The following SCRG1 variants were observed in gnomAD, a reference collection of about 807,000 sequenced individuals.
SCRG1 encodes the protein stimulator of chondrogenesis 1.
SCRG1 carries 3 observed loss-of-function variants against 7.7 expected under a neutral mutation model. That is an observed-to-expected ratio of 0.39 (90% confidence interval 0.18 to 1.01). The LOEUF (loss-of-function observed/expected upper bound fraction) is 1.01. Ranked by LOEUF, SCRG1 falls within the 50% of genes least tolerant of loss-of-function variation. The pLI is 0.36. For synonymous variants in SCRG1, 46 were observed against 41.2 expected (o/e 1.12, Z -0.44); for missense variants, 110 against 117.2 (o/e 0.94, Z 0.28).
In SCRG1 at chr4:173,386,086, T is replaced by C. The variant is rs912264242; in HGVS notation, c.*2255A>G. 2.0e-5 allele frequency: 3 copies of C among 152,282 alleles called. No individual in the cohort carries two copies. The South Asian group carries it at 6.2e-4, about 32-fold the overall frequency. 9.4% of individuals were successfully genotyped at this position (152,282 alleles called of 1,614,324 possible). ...TTATTTTACAATTTCACTTCATGTA[T>C]TTTATAGGAGCTTACACTGTTCGAA... On this transcript the variant is annotated 3_prime_UTR_variant, in exon 3 of 3. Transcript: ENST00000296506.
At chr4:173,440,601 G>A in the SCRG1 span, among the ~76,000 whole-genome samples, 1 of 152,206 alleles carries the variant, frequency 6.6e-6, no homozygotes, top group Non-Finnish European at 1.5e-5. Flanking sequence ...ATATGGTGTG[G>A]CAGTGTTGGG....
chr4:173,479,599 C>G, the SCRG1 span, among the ~76,000 whole-genome samples: 3 of 151,748 alleles, frequency 2.0e-5, no homozygotes, highest in African/African-American at 7.3e-5. Context: ...TGTCACCATG[C>G]CTGGCTAATT....
Position 173,388,341 on chromosome 4 carries a change from T to C in SCRG1, c.297A>G (p.Ter99TrpextTer32). The C allele has an allele frequency of 6.2e-7, 1 of 1,610,292 alleles. No individual in the cohort carries two copies. Among genetic ancestry groups the C allele is most frequent in the Non-Finnish European group, 8.5e-7 (1 of 1,177,196 alleles). Reference sequence around the variant, plus strand: ...TGTTCTCCAGAATACATGAAGATTCTCATTGATTGTTGCAAGGAATCACGA... The same window carrying C: ...TGTTCTCCAGAATACATGAAGATTCCCATTGATTGTTGCAAGGAATCACGA... ...ISFVIPCNNQ* is the reference protein window; with the variant it reads ...ISFVIPCNNQW The change falls in exon 3 of 3, where the codon TGA becomes TGG. Residue 99 changes from the stop codon to tryptophan, a stop_lost. Coordinates refer to ENST00000296506, the MANE Select transcript of SCRG1 (RefSeq NM_007281.4).
At chr4:173,518,663 G>A in the SCRG1 span, among the ~76,000 whole-genome samples, 1 of 152,026 alleles carries the variant, frequency 6.6e-6, no homozygotes, top group Non-Finnish European at 1.5e-5. Context: ...TCTGGGACCC[G>A]CCTTCACCGT....
the SCRG1 span, among the ~76,000 whole-genome samples, chr4:173,431,262 C>T: frequency 1.3e-5 from 2 of 152,168 alleles, no homozygotes; most frequent in African/African-American, 2.4e-5. Context: ...AGCAGGGGAA[C>T]TGAGCATGGG....
the SCRG1 span, among the ~76,000 whole-genome samples, chr4:173,485,608 C>T: frequency 1.3e-5 from 2 of 152,048 alleles, no homozygotes; most frequent in African/African-American, 4.8e-5. Flanking sequence ...CTAACCACTT[C>T]AAGAGGATAC....
the SCRG1 span, among the ~76,000 whole-genome samples, chr4:173,420,705 G>GAAA: frequency 3.7e-5 from 5 of 134,390 alleles, no homozygotes; most frequent in Non-Finnish European, 1.6e-5. Flanking sequence ...GAGCCAAGCT[G>GAAA]AAAAAAAAAA....
chr4:173,448,385 C>T, the SCRG1 span, among the ~76,000 whole-genome samples: 1 of 152,300 alleles, frequency 6.6e-6, no homozygotes, highest in Admixed American at 6.5e-5. Flanking sequence ...ACATGGCTAT[C>T]ATTGCCCCAC....
At chr4:173,438,342 C>T in the SCRG1 span, among the ~76,000 whole-genome samples, 1 of 151,500 alleles carries the variant, frequency 6.6e-6, no homozygotes, top group African/African-American at 2.4e-5. Context: ...AGGCTGGTCT[C>T]GAAATCCCGG....
At chr4:173,396,178 C>T (rs1197354216) in intron 1 of SCRG1, among the ~76,000 whole-genome samples, 1 of 152,066 alleles carries the variant, frequency 6.6e-6, no homozygotes, top group African/African-American at 2.4e-5. Flanking sequence ...TTGGAAGGAG[C>T]CAATTTTGGG....
the SCRG1 span, chr4:173,468,975 T>C: frequency 2.0e-5 from 3 of 152,236 alleles, no homozygotes; most frequent in East Asian, 5.8e-4. Context: ...GCGACATACA[T>C]AGTATGCTCA....
upstream of SCRG1, among the ~76,000 whole-genome samples, chr4:173,402,956 C>A (rs1739798905): frequency 6.6e-6 from 1 of 152,214 alleles, no homozygotes; most frequent in African/African-American, 2.4e-5. Flanking sequence ...AATCTTTCAT[C>A]AGTTAAAAAG....
At chr4:173,388,523 T>A in intron 2 of SCRG1, 128 bp from the exon 3 acceptor site, 1 of 580,290 alleles carries the variant, frequency 1.7e-6, no homozygotes, top group Non-Finnish European at 2.9e-6. Context: ...GTGACTAAAA[T>A]GTAAAGAGAT....
At chr4:173,514,196 T>C in the SCRG1 span, among the ~76,000 whole-genome samples, 1 of 152,218 alleles carries the variant, frequency 6.6e-6, no homozygotes, top group Admixed American at 6.5e-5. Context: ...TCTCCTCCCT[T>C]ATCTTTCCAA....
the SCRG1 span, among the ~76,000 whole-genome samples, chr4:173,457,901 C>A: frequency 2.6e-5 from 4 of 152,142 alleles, no homozygotes; most frequent in Admixed American, 2.6e-4. Context: ...CTGAAGGAGT[C>A]ATACTGTTTT....
At chr4:173,510,317 T>C in the SCRG1 span, among the ~76,000 whole-genome samples, 1 of 152,130 alleles carries the variant, frequency 6.6e-6, no homozygotes, top group Non-Finnish European at 1.5e-5. The surrounding 1 kb of genome is among the most constrained non-coding windows in gnomAD (Gnocchi z 5.7). Flanking sequence ...ACTTTTGTTC[T>C]GTTCTGTTCC....
At chr4:173,485,008 TAA>T in the SCRG1 span, among the ~76,000 whole-genome samples, 1 of 10,914 alleles carries the variant, frequency 9.2e-5, no homozygotes, top group African/African-American at 2.3e-4. Flanking sequence ...ATTATAAATA[TAA>T]TATATAATAT....
chr4:173,503,084 C>T, the SCRG1 span, among the ~76,000 whole-genome samples: 77 of 152,240 alleles, frequency 5.1e-4, no homozygotes, highest in East Asian at 2.3e-3. The surrounding 1 kb of genome is among the most constrained non-coding windows in gnomAD (Gnocchi z 6.4). Context: ...GGTTCCCTAC[C>T]GACCAGGTCC....
chr4:173,509,501 A>T, the SCRG1 span, among the ~76,000 whole-genome samples: 2 of 152,146 alleles, frequency 1.3e-5, no homozygotes, highest in Non-Finnish European at 2.9e-5. The surrounding 1 kb of genome is among the most constrained non-coding windows in gnomAD (Gnocchi z 5.7). Context: ...GCCTCCTTGG[A>T]GGGCGGTAGC....
Sources: gnomAD v4.1 joint callset for allele counts (sites outside exome capture counted in the v4.1 genomes callset) on GRCh38, gnomAD v4.1.1 for gene constraint, Gnocchi (gnomAD v3.1) non-coding constraint, MANE v1.5 for transcripts, NCBI Gene and HGNC (gene_info 2026-07-23, HGNC 2026-07-21) for gene names.